Variants in ACIN1 observed in about 807,000 individuals in gnomAD.
ACIN1 encodes apoptotic chromatin condensation inducer 1, also known as apoptotic chromatin condensation inducer in the nucleus.
ACIN1 carries 16 observed loss-of-function variants against 146.6 expected under a neutral mutation model. The observed-to-expected ratio is 0.11, with a 90% confidence interval of 0.07 to 0.17. The LOEUF (loss-of-function observed/expected upper bound fraction) is 0.17. Among genes scored for constraint, ACIN1 ranks in the 10% least tolerant of loss-of-function variants. ACIN1 has a pLI of 1.00. For synonymous variants in ACIN1, 569 were observed against 582.7 expected, an observed-to-expected ratio of 0.98 and a Z score of 0.34; for missense variants, 1,357 against 1,609.3, an observed-to-expected ratio of 0.84 and a Z score of 2.68.
At chr14:23,090,751 A>C in intron 2 of ACIN1, 118 bp from the exon 3 acceptor site, 1 of 710,346 alleles carries the variant, frequency 1.4e-6, no homozygotes, top group Non-Finnish European at 2.2e-6. Flanking sequence ...AGATAACTAA[A>C]ATGTTGGAAG....
intron 4 of ACIN1, 39 bp downstream of exon 4, chr14:23,089,942 AG>A (rs1432237219): frequency 1.9e-6 from 3 of 1,545,758 alleles, no homozygotes; most frequent in Non-Finnish European, 2.6e-6. Context: ...CCAACTACGC[AG>A]GATTGACAAA....
Position 23,068,353 on chromosome 14 carries a change from C to A in ACIN1, c.2265+1123G>T. The A allele has an allele frequency of 3.0e-6, 3 of 985,964 alleles. No homozygotes were observed. Among genetic ancestry groups the A allele is most frequent in the Non-Finnish European group, 3.6e-6 (3 of 830,002 alleles). The allele number at this position is 985,964 out of a possible 1,614,324, so 61.1% of individuals were successfully genotyped here. Reference sequence around the variant, plus strand: ...GTGGGCAGGCGCCCCAGCACTGGCACAAGCTCTTCTTGGGGTGTCCCAAGT... The same window carrying A: ...GTGGGCAGGCGCCCCAGCACTGGCAAAAGCTCTTCTTGGGGTGTCCCAAGT... On this transcript the variant is annotated intron_variant, in intron 9 of 18. Transcript: ENST00000605057. The surrounding 1 kb of genome is among the most constrained non-coding windows in gnomAD (Gnocchi z 4.3).
intron 4 of ACIN1, among the ~76,000 whole-genome samples, chr14:23,087,188 T>A (rs980305900): frequency 2.6e-5 from 4 of 152,230 alleles, no homozygotes; most frequent in African/African-American, 9.6e-5. Flanking sequence ...TGAGATTCTA[T>A]ACCTGGAAGA....
chr14:23,062,674 G>A (rs1221695165), intron 14 of ACIN1, 151 bp from the exon 15 acceptor site: 1 of 801,808 alleles, frequency 1.2e-6, no homozygotes, highest in Non-Finnish European at 2.0e-6. Flanking sequence ...TGTGAGAAGA[G>A]TGGTGGTGCT....
At chr14:23,085,582 A>G (rs1205741220) in intron 4 of ACIN1, among the ~76,000 whole-genome samples, 2 of 152,208 alleles carry the variant, frequency 1.3e-5, no homozygotes, top group Non-Finnish European at 2.9e-5. Context: ...GCTGTTCAGA[A>G]AGTTCTGGTC....
chr14:23,073,433 A>G (rs576952756), intron 8 of ACIN1, among the ~76,000 whole-genome samples: 1 of 152,332 alleles, frequency 6.6e-6, no homozygotes, highest in East Asian at 1.9e-4. Context: ...TAATCCCAGC[A>G]CTTTGGGAGG....
At chr14:23,078,399 G>T in intron 7 of ACIN1, 133 bp from the exon 8 acceptor site, 1 of 616,208 alleles carries the variant, frequency 1.6e-6, no homozygotes, top group Non-Finnish European at 2.8e-6. Context: ...CTCTGTATCT[G>T]TTATTTCATT....
Position 23,058,890 on chromosome 14 carries a change from A to G in ACIN1, c.*258T>C, listed in dbSNP as rs143464957. 4,363 of 519,404 alleles carry G rather than the reference A, an allele frequency of 8.4e-3. 25 individuals carry two copies. The highest frequency in any genetic ancestry group is 0.012 in the Middle Eastern group (23 of 1,982). The allele number at this position is 519,404 out of a possible 1,614,324, so 32.2% of individuals were successfully genotyped here. On this transcript the variant is annotated 3_prime_UTR_variant, in exon 19 of 19. Transcript: ENST00000605057. Reference sequence around the variant, plus strand: ...GGCTGTTCCCCATCTCTGGCCAACCACCTCCTTGCCTAACCTAGCTCTTGC... The same window carrying G: ...GGCTGTTCCCCATCTCTGGCCAACCGCCTCCTTGCCTAACCTAGCTCTTGC...
chr14:23,094,860 G>T (rs1440615313), intron 1 of ACIN1, 115 bp downstream of exon 1: 2 of 1,394,474 alleles, frequency 1.4e-6, no homozygotes, highest in African/African-American at 2.9e-5. Flanking sequence ...AGAGGCTCGC[G>T]CTGGCGGCCT....
intron 4 of ACIN1, among the ~76,000 whole-genome samples, chr14:23,082,081 C>T (rs886619319): frequency 2.0e-5 from 3 of 152,208 alleles, no homozygotes; most frequent in Non-Finnish European, 4.4e-5. Flanking sequence ...AGCCAATTCA[C>T]ATGTTATAAA....
chr14:23,062,565 G>A (rs1222453303), intron 14 of ACIN1, 42 bp from the exon 15 acceptor site: 2 of 1,541,666 alleles, frequency 1.3e-6, no homozygotes, highest in Non-Finnish European at 1.8e-6. Context: ...CAGAAGGCAA[G>A]ACCACCACCC....
intron 9 of ACIN1, 155 bp from the exon 10 acceptor site, chr14:23,066,163 CCAAA>C: frequency 1.7e-6 from 1 of 589,482 alleles, no homozygotes; most frequent in Non-Finnish European, 2.9e-6. Context: ...CAGACAGAGA[CCAAA>C]ACAGAAGCGG....
chr14:23,085,249 G>A (rs1012274042), intron 4 of ACIN1, among the ~76,000 whole-genome samples: 5 of 151,982 alleles, frequency 3.3e-5, no homozygotes, highest in Admixed American at 6.6e-5. Context: ...GCAGGAGAAC[G>A]GCGTGAACCT....
rs963938280 is a variant in ACIN1 at position 23,068,995 on chromosome 14, G to C, written c.2265+481C>G. 5 of 985,756 alleles carry C rather than the reference G, an allele frequency of 5.1e-6. No individual in the cohort carries two copies. Among genetic ancestry groups the C allele is most frequent in the Non-Finnish European group, 4.8e-6 (4 of 830,304 alleles). 61.1% of individuals were successfully genotyped at this position (985,756 alleles called of 1,614,324 possible). A position where few individuals can be genotyped will look rare whatever the true frequency, so the allele number is the denominator to read the frequency against. On this transcript the variant is annotated intron_variant, in intron 9 of 18. Coordinates refer to ENST00000605057, the MANE Select transcript of ACIN1 (RefSeq NM_001386863.1). The surrounding 1 kb of genome is among the most constrained non-coding windows in gnomAD (Gnocchi z 4.3). ...CCGGATCACAAGTGCTGGCTTCTAA[G>C]TAGCTACATCTCTGCAGTCAGACCA...
At chr14:23,071,390 A>T (rs1247891356) in intron 8 of ACIN1, 2 of 1,550,070 alleles carry the variant, frequency 1.3e-6, no homozygotes, top group South Asian at 2.4e-5. Flanking sequence ...AGGCTAAAAC[A>T]GATCTGGCTT....
intron 10 of ACIN1, 59 bp from the exon 11 acceptor site, chr14:23,064,547 C>G (rs1224762159): frequency 1.4e-5 from 22 of 1,591,008 alleles, no homozygotes; most frequent in Non-Finnish European, 1.1e-5. Context: ...CTAGTTCAAA[C>G]CGTAATACCT....
intron 8 of ACIN1, among the ~76,000 whole-genome samples, chr14:23,075,890 G>C (rs138538463): frequency 2.6e-5 from 4 of 151,980 alleles, no homozygotes; most frequent in African/African-American, 9.7e-5. Context: ...TAGTAGAGAC[G>C]GGGTTTCACC....
rs761538685 is a variant in ACIN1 at position 23,078,205 on chromosome 14, G to A, written c.2069C>T (p.Thr690Ile). The change falls in exon 8 of 19, where the codon ACC (threonine) becomes ATC (isoleucine). Residue 690 changes from threonine (T) to isoleucine (I), a missense_variant. Thr to Ile is a moderately conservative substitution (Grantham distance 89, BLOSUM62 -1). Around this residue, in one of 4 missense-constraint regions of ACIN1, gnomAD observed 771 missense variants for 746.6 expected, o/e 1.03. Transcript: ENST00000605057. ...CAGATGAGAGGTCTGAGTCTCTGAGGTTTGGGGCTGTGTGGCAGCTGGTGG... is the reference window on the plus strand; with the variant it reads ...CAGATGAGAGGTCTGAGTCTCTGAGATTTGGGGCTGTGTGGCAGCTGGTGG... ...AEPPAATQPQ[T>I]SETQTSHLPE... The A allele has an allele frequency of 2.5e-6, 4 of 1,614,188 alleles. No homozygotes were observed. Among genetic ancestry groups the A allele is most frequent in the Non-Finnish European group, 3.4e-6 (4 of 1,180,028 alleles).
chr14:23,072,996 T>C (rs2047703674), intron 8 of ACIN1, among the ~76,000 whole-genome samples: 1 of 152,130 alleles, frequency 6.6e-6, no homozygotes, highest in Non-Finnish European at 1.5e-5. Flanking sequence ...CTCTTAAGAG[T>C]CTGGCTTGGA....
Sources: allele counts gnomAD v4.1 joint callset (sites outside exome capture counted in the v4.1 genomes callset), GRCh38; gene constraint gnomAD v4.1.1; regional missense constraint gnomAD v4.1.1; non-coding constraint Gnocchi (gnomAD v3.1); transcripts MANE v1.5; gene names NCBI Gene and HGNC (gene_info 2026-07-23, HGNC 2026-07-21).